ULK4: variants seen among roughly 807,000 people sequenced by gnomAD.
ULK4 encodes unc-51 like kinase 4, also known as inactive serine/threonine-protein kinase ULK4.
In ULK4, 133 loss-of-function variants were observed where a neutral mutation model predicts 160.6. The observed-to-expected ratio is 0.83, with a 90% CI of 0.72 to 0.96. The LOEUF (loss-of-function observed/expected upper bound fraction) is 0.96. ULK4 is among the 40% of genes least tolerant of loss of function. The probability of loss-of-function intolerance (pLI) is 0.00; values close to 1 mark genes in which losing one functional copy is unlikely to be tolerated. For missense variants in ULK4, 1,580 were observed against 1,499.5 expected (o/e 1.05, Z -0.89); for synonymous variants, 534 against 539.8 (o/e 0.99, Z 0.15).
chr3:41,892,390 A>G (rs1429920908), intron 16 of ULK4, among the ~76,000 whole-genome samples: 5 of 152,250 alleles, frequency 3.3e-5, no homozygotes, highest in Non-Finnish European at 5.9e-5. Flanking sequence ...AAAAACAGAA[A>G]ACACTAATGT....
At chr3:41,630,911 C>T (rs2033713637) in intron 30 of ULK4, among the ~76,000 whole-genome samples, 1 of 151,992 alleles carries the variant, frequency 6.6e-6, no homozygotes, top group African/African-American at 2.4e-5. Flanking sequence ...CAGCAACTGA[C>T]TGAGCACTAG....
chr3:41,659,391 T>A (rs1173696846), intron 30 of ULK4, among the ~76,000 whole-genome samples: 1 of 152,180 alleles, frequency 6.6e-6, no homozygotes, highest in Non-Finnish European at 1.5e-5. Flanking sequence ...AGGATTTGGT[T>A]TGAAAAGTAG....
intron 19 of ULK4, among the ~76,000 whole-genome samples, chr3:41,807,245 C>T (rs980813527): frequency 1.3e-5 from 2 of 151,512 alleles, no homozygotes; most frequent in African/African-American, 4.9e-5. Context: ...ATTTATTTAA[C>T]AAGAAAAATA....
At chr3:41,841,408 C>T (rs541543650) in intron 17 of ULK4, among the ~76,000 whole-genome samples, 62 of 151,322 alleles carry the variant, frequency 4.1e-4, no homozygotes, top group Non-Finnish European at 6.3e-4. Flanking sequence ...AGGTAGAGAG[C>T]GCCTGTGCCC....
intron 35 of ULK4, among the ~76,000 whole-genome samples, chr3:41,314,630 G>C (rs1365760894): frequency 6.6e-6 from 1 of 152,138 alleles, no homozygotes; most frequent in Non-Finnish European, 1.5e-5. Flanking sequence ...AACAAATAAT[G>C]GTAGTGGTAA....
chr3:41,651,412 A>G (rs2034735964), intron 30 of ULK4, among the ~76,000 whole-genome samples: 1 of 152,154 alleles, frequency 6.6e-6, no homozygotes, highest in Non-Finnish European at 1.5e-5. Flanking sequence ...GGCACTTCTA[A>G]CTAGTGGAAG....
intron 34 of ULK4, among the ~76,000 whole-genome samples, chr3:41,445,583 A>G (rs1008546090): frequency 1.4e-4 from 21 of 152,250 alleles, no homozygotes; most frequent in African/African-American, 2.2e-4. Context: ...ATCTACAACC[A>G]TCTGATCTTT....
At chr3:41,328,564 G>A (rs182019554) in intron 35 of ULK4, among the ~76,000 whole-genome samples, 1 of 152,342 alleles carries the variant, frequency 6.6e-6, no homozygotes, top group East Asian at 1.9e-4. Flanking sequence ...CGTGATGCCA[G>A]TGAGCAAAAT....
intron 34 of ULK4, among the ~76,000 whole-genome samples, chr3:41,422,375 G>A (rs926597476): frequency 2.0e-5 from 3 of 152,194 alleles, no homozygotes; most frequent in Middle Eastern, 3.4e-3. Context: ...TGCTTGTGGT[G>A]AAATTACACC....
chr3:41,300,781 A>G lies in ULK4; in HGVS notation c.3679-51207T>C, dbSNP rs1322790130. On this transcript the variant is annotated intron_variant, in intron 35 of 36. Coordinates refer to ENST00000301831, the MANE Select transcript of ULK4 (RefSeq NM_017886.4). ...CACAGCAGTTAAAGCACTGAAGTTT[A>G]CAAAAGAGTTAATTTTCTCTTCTCT... Among the ~76,000 whole-genome samples, 5 of 144,854 alleles carry G rather than the reference A, an allele frequency of 3.5e-5. No homozygotes were observed. The Admixed American group carries it at 3.5e-4, about 10-fold the overall frequency.
intron 27 of ULK4, among the ~76,000 whole-genome samples, chr3:41,697,052 T>G (rs2036526948): frequency 6.6e-6 from 1 of 152,214 alleles, no homozygotes; most frequent in Non-Finnish European, 1.5e-5. Context: ...TTTAAGCTTC[T>G]GACTCTCCAG....
rs1699328505 is a variant in ULK4 at position 41,925,070 on chromosome 3, T to C, written c.542-5252A>G. 2.0e-5 allele frequency among the ~76,000 whole-genome samples: 3 copies of C among 152,098 alleles called. No individual in the cohort carries two copies. In the South Asian group the frequency reaches 6.2e-4, roughly 32 times the overall value. ...TTAACACCCCCGGCCCCACCTCACATACCAAGAATACACCCTAGAAATTTG... is the reference window on the plus strand; with the variant it reads ...TTAACACCCCCGGCCCCACCTCACACACCAAGAATACACCCTAGAAATTTG... On this transcript the variant is annotated intron_variant, in intron 5 of 36. Coordinates refer to ENST00000301831, the MANE Select transcript of ULK4 (RefSeq NM_017886.4).
At chr3:41,747,658 T>C (rs12633534) in intron 22 of ULK4, among the ~76,000 whole-genome samples, 16,251 of 152,032 alleles carry the variant, frequency 0.11, 1,208 homozygotes, top group East Asian at 0.32. Flanking sequence ...AGGGGGTAAT[T>C]AAGGCTAAAT....
At position 41,538,688 on chromosome 3, in the gene ULK4, C is replaced by T. The variant is rs532778065; in HGVS notation, c.3226+27337G>A. ...AAGGTATTTTAAATAGATCTCACAA[C>T]ACTTCAGCCCACCACAAATGGAGCA... On this transcript the variant is annotated intron_variant, in intron 32 of 36. Coordinates refer to ENST00000301831, the MANE Select transcript of ULK4 (RefSeq NM_017886.4). Among the ~76,000 whole-genome samples, 30 of 152,260 alleles carry T rather than the reference C, an allele frequency of 2.0e-4. 1 individual carries two copies. In the Middle Eastern group the frequency reaches 0.017, roughly 86 times the overall value.
At chr3:41,708,317 TA>T (rs1373181411) in intron 25 of ULK4, among the ~76,000 whole-genome samples, 1 of 152,214 alleles carries the variant, frequency 6.6e-6, no homozygotes. Context: ...ACGGATTTTT[TA>T]AATGTGGCAA....
intron 35 of ULK4, among the ~76,000 whole-genome samples, chr3:41,318,255 T>C (rs1046246840): frequency 6.6e-6 from 1 of 152,198 alleles, no homozygotes; most frequent in Non-Finnish European, 1.5e-5. Flanking sequence ...AGAAGATTTT[T>C]TTTTAATTAG....
chr3:41,308,618 C>G (rs2079992040), intron 35 of ULK4, among the ~76,000 whole-genome samples: 1 of 152,038 alleles, frequency 6.6e-6, no homozygotes. Context: ...AGTAGATAAG[C>G]AATAGAGAAA....
intron 18 of ULK4, among the ~76,000 whole-genome samples, chr3:41,832,027 T>C (rs142589958): frequency 3.7e-4 from 56 of 152,348 alleles, no homozygotes; most frequent in African/African-American, 1.1e-3. Flanking sequence ...CATATGTCTT[T>C]ATAGTAGAAT....
At chr3:41,751,016 G>A (rs1462047254) in intron 22 of ULK4, among the ~76,000 whole-genome samples, 4 of 146,226 alleles carry the variant, frequency 2.7e-5, no homozygotes, top group Non-Finnish European at 6.0e-5. Flanking sequence ...GAGGGAAGGA[G>A]GGTGGGAAGG....
Sources: allele counts gnomAD v4.1 joint callset (sites outside exome capture counted in the v4.1 genomes callset), GRCh38; gene constraint gnomAD v4.1.1; transcripts MANE v1.5; gene names NCBI Gene and HGNC (gene_info 2026-07-23, HGNC 2026-07-21).